Variants in GOLIM4 observed in about 807,000 individuals in gnomAD.
GOLIM4 encodes the protein golgi integral membrane protein 4, also known as 130 kDa golgi-localized phosphoprotein.
GOLIM4 carries 71 observed loss-of-function variants against 107.4 expected under a neutral mutation model. That is an observed-to-expected ratio of 0.66 (90% CI 0.55 to 0.81). The LOEUF (loss-of-function observed/expected upper bound fraction) is 0.81. Ranked by LOEUF, GOLIM4 falls within the 30% of genes least tolerant of loss-of-function variation. The pLI is 0.00. For missense variants in GOLIM4, 830 were observed against 826.1 expected (o/e 1.00, Z -0.06); for synonymous variants, 327 against 294.8 (o/e 1.11, Z -1.12).
intron 1 of GOLIM4, among the ~76,000 whole-genome samples, chr3:168,051,643 A>AGT (rs1325329862): frequency 6.6e-6 from 1 of 152,228 alleles, no homozygotes; most frequent in Non-Finnish European, 1.5e-5. Context: ...ACAGGAATAG[A>AGT]GTATATATAT....
chr3:168,058,148 T>C (rs1400023105), intron 1 of GOLIM4, among the ~76,000 whole-genome samples: 1 of 152,212 alleles, frequency 6.6e-6, no homozygotes. Flanking sequence ...ATTGCAGTAT[T>C]TTTTTACTGT....
At chr3:168,057,533 A>G (rs1045155733) in intron 1 of GOLIM4, among the ~76,000 whole-genome samples, 2 of 152,150 alleles carry the variant, frequency 1.3e-5, no homozygotes, top group Non-Finnish European at 2.9e-5. Context: ...CTTTTAAACC[A>G]TCAGATCTTG....
At chr3:168,017,313 G>A (rs1338049312) in intron 14 of GOLIM4, among the ~76,000 whole-genome samples, 2 of 151,986 alleles carry the variant, frequency 1.3e-5, no homozygotes, top group East Asian at 1.9e-4. Flanking sequence ...GTGAGACCCT[G>A]TCTCTACAAA....
chr3:168,083,289 A>G (rs1276084631), intron 1 of GOLIM4, among the ~76,000 whole-genome samples: 1 of 152,212 alleles, frequency 6.6e-6, no homozygotes, highest in East Asian at 1.9e-4. Context: ...TATCAAAAAA[A>G]TCTCCTATCA....
intron 1 of GOLIM4, among the ~76,000 whole-genome samples, chr3:168,049,863 T>C (rs4494976): frequency 0.99 from 151,403 of 152,296 alleles, 75,261 homozygotes; most frequent in Middle Eastern, 1. Context: ...CTGTGTCTTT[T>C]CTTGTCATCC....
chr3:168,024,302 G>A (rs1156827268), intron 14 of GOLIM4, among the ~76,000 whole-genome samples: 1 of 152,204 alleles, frequency 6.6e-6, no homozygotes, highest in East Asian at 1.9e-4. Flanking sequence ...TTTCAGGTGA[G>A]AACCAAAGAG....
rs1716866822 is a variant in GOLIM4, at chr3:168,009,448, A to AAAAAAAAAAAAAAAAC, written c.*820_*821insGTTTTTTTTTTTTTTT. The AAAAAAAAAAAAAAAAC allele has an allele frequency of 6.7e-6, 1 of 149,598 alleles. No individual in the cohort carries two copies. The highest frequency in any genetic ancestry group is 2.0e-4 in the East Asian group (1 of 5,114). 9.3% of individuals were successfully genotyped at this position (149,598 alleles called of 1,614,324 possible). A position where few individuals can be genotyped will look rare whatever the true frequency, so the allele number is the denominator to read the frequency against. ...CTTCAAACAAAAAAAAAAAAAAAAA[A>AAAAAAAAAAAAAAAAC]TTGAGAATGGGTGCTCGCATAGAAA... is the stretch of plus-strand genomic sequence containing the variant. On this transcript the variant is annotated 3_prime_UTR_variant, in exon 16 of 16. Coordinates refer to ENST00000470487, the MANE Select transcript of GOLIM4 (RefSeq NM_014498.5).
In GOLIM4 at chr3:168,061,741, G is replaced by A. The variant is rs183784373; in HGVS notation, c.188-13376C>T. ...TTATAAAAAGTTCAAAAACAGGCAC[G>A]AGTGAAACTAATCTCTGATGATAGA... On this transcript the variant is annotated intron_variant, in intron 1 of 15. Coordinates refer to ENST00000470487, the MANE Select transcript of GOLIM4 (RefSeq NM_014498.5). Among the ~76,000 whole-genome samples the A allele has an allele frequency of 1.4e-4, 21 of 152,276 alleles. No individual in the cohort carries two copies. The East Asian group carries it at 2.3e-3, about 17-fold the overall frequency.
chr3:168,076,954 G>A (rs1721109986), intron 1 of GOLIM4, among the ~76,000 whole-genome samples: 1 of 152,104 alleles, frequency 6.6e-6, no homozygotes, highest in African/African-American at 2.4e-5. Flanking sequence ...GAAGTTTGCT[G>A]AATTAAAGGA....
intron 12 of GOLIM4, 104 bp downstream of exon 12, chr3:168,027,624 T>C (rs542041891): frequency 1.1e-4 from 78 of 738,338 alleles, no homozygotes; most frequent in Admixed American, 2.9e-4. Flanking sequence ...GCTGAGGATA[T>C]AACAGAAATA....
chr3:168,055,853 T>C (rs1035676734), intron 1 of GOLIM4, among the ~76,000 whole-genome samples: 16 of 149,900 alleles, frequency 1.1e-4, no homozygotes, highest in African/African-American at 3.9e-4. Context: ...CATTCAGTAT[T>C]AAAAGGGAAG....
At chr3:168,076,820 G>C (rs1486668028) in intron 1 of GOLIM4, among the ~76,000 whole-genome samples, 1 of 152,106 alleles carries the variant, frequency 6.6e-6, no homozygotes, top group Non-Finnish European at 1.5e-5. Context: ...TGAAAGAATA[G>C]TCATAAAAAT....
intron 1 of GOLIM4, among the ~76,000 whole-genome samples, chr3:168,070,923 C>G (rs1375876914): frequency 6.6e-6 from 1 of 152,154 alleles, no homozygotes; most frequent in African/African-American, 2.4e-5. Flanking sequence ...GTTTTCTACT[C>G]TAACTTGCTA....
chr3:168,060,351 T>C (rs555548182), intron 1 of GOLIM4, among the ~76,000 whole-genome samples: 18 of 152,312 alleles, frequency 1.2e-4, no homozygotes, highest in Non-Finnish European at 2.1e-4. Flanking sequence ...ATGAGGGTAA[T>C]GGAAGAAGAG....
intron 14 of GOLIM4, among the ~76,000 whole-genome samples, chr3:168,011,913 C>T (rs1025273396): frequency 2.8e-5 from 4 of 142,622 alleles, no homozygotes; most frequent in Admixed American, 6.8e-5. Context: ...TCATCAAAGA[C>T]CAAAAGCAGA....
chr3:168,041,987 A>AACTT (rs1485072346), intron 5 of GOLIM4, among the ~76,000 whole-genome samples: 2 of 152,120 alleles, frequency 1.3e-5, no homozygotes, highest in Non-Finnish European at 2.9e-5. Context: ...TTTTTGTTGT[A>AACTT]ACTTACTTTT....
At chr3:168,038,553 G>A (rs185066904) in intron 7 of GOLIM4, among the ~76,000 whole-genome samples, 38 of 152,294 alleles carry the variant, frequency 2.5e-4, no homozygotes, top group Admixed American at 2.5e-3. Flanking sequence ...TTTTGGGCCA[G>A]CTACTTTACT....
chr3:168,043,377 AC>A lies in GOLIM4; in HGVS notation c.517+1del. 1.9e-6 allele frequency: 3 copies of A among 1,597,648 alleles called. No homozygotes were observed. Among genetic ancestry groups the A allele is most frequent in the Non-Finnish European group, 2.6e-6 (3 of 1,172,580 alleles). ...AAACTGGCTAATCAGATTTCCAAAT[AC>A]CTTTTAGCTTAGAAAGTTCTTGTTC... On this transcript the variant is annotated splice_donor_variant, in intron 5 of 15. Coordinates refer to ENST00000470487, the MANE Select transcript of GOLIM4 (RefSeq NM_014498.5). LOFTEE classifies it high-confidence loss of function.
At chr3:168,013,424 C>A (rs1374198989) in intron 14 of GOLIM4, among the ~76,000 whole-genome samples, 1 of 151,728 alleles carries the variant, frequency 6.6e-6, no homozygotes, top group East Asian at 1.9e-4. Flanking sequence ...GACTTAGACT[C>A]CCACGCATTA....
Sources: gnomAD v4.1 joint callset for allele counts (sites outside exome capture counted in the v4.1 genomes callset) on GRCh38, gnomAD v4.1.1 for gene constraint, MANE v1.5 for transcripts, NCBI Gene and HGNC (gene_info 2026-07-23, HGNC 2026-07-21) for gene names.